GRIN2A: variants seen among roughly 807,000 people sequenced by gnomAD.
The protein encoded by GRIN2A is glutamate ionotropic receptor NMDA type subunit 2A.
Under a neutral mutation model 113.4 loss-of-function variants are expected in GRIN2A, and 22 were observed. The ratio of observed to expected loss-of-function variants is 0.19; its 90% CI spans 0.14 to 0.28. GRIN2A has a LOEUF of 0.28. Ranked by LOEUF, GRIN2A falls within the 10% of genes least tolerant of loss-of-function variation. GRIN2A has a pLI of 1.00. For missense variants in GRIN2A, 1,502 were observed against 1,887.0 expected, an observed-to-expected ratio of 0.80 and a Z score of 3.78; for synonymous variants, 827 against 738.4, an observed-to-expected ratio of 1.12 and a Z score of -1.94.
intron 4 of GRIN2A, among the ~76,000 whole-genome samples, chr16:9,861,915 G>A (rs899586575): frequency 6.6e-6 from 1 of 152,174 alleles, no homozygotes; most frequent in African/African-American, 2.4e-5. Context: ...TAAATGCAAC[G>A]ATTGGAGGTG....
chr16:9,936,837 C>G (rs964838335), intron 3 of GRIN2A, among the ~76,000 whole-genome samples: 1 of 152,138 alleles, frequency 6.6e-6, no homozygotes, highest in East Asian at 1.9e-4. Context: ...TTCCCCAAAG[C>G]GTAACATGTT....
intron 2 of GRIN2A, among the ~76,000 whole-genome samples, chr16:10,118,111 C>A (rs2048763228): frequency 6.6e-6 from 1 of 152,182 alleles, no homozygotes; most frequent in African/African-American, 2.4e-5. Context: ...CTGGTGTTAT[C>A]TTTGCCATCA....
At chr16:10,026,801 C>A (rs753342372) in intron 2 of GRIN2A, among the ~76,000 whole-genome samples, 6 of 152,152 alleles carry the variant, frequency 3.9e-5, no homozygotes, top group Non-Finnish European at 7.3e-5. Flanking sequence ...CACCCCAAAA[C>A]AATGCAGAAC....
intron 4 of GRIN2A, among the ~76,000 whole-genome samples, chr16:9,853,412 A>G (rs1222567914): frequency 1.3e-5 from 2 of 152,188 alleles, no homozygotes; most frequent in African/African-American, 2.4e-5. Flanking sequence ...AAGAGGCCCC[A>G]GAGAGACCCA....
chr16:9,847,896 C>T (rs1375679289), intron 5 of GRIN2A, among the ~76,000 whole-genome samples: 3 of 146,650 alleles, frequency 2.0e-5, no homozygotes, highest in Non-Finnish European at 1.5e-5. Context: ...TTTCTCCAAA[C>T]CAAAACAGGC....
In GRIN2A at chr16:9,775,038, G is replaced by T. The variant is rs1405314653; in HGVS notation, c.2357-5949C>A. Among the ~76,000 whole-genome samples the T allele has an allele frequency of 3.3e-5, 5 of 152,262 alleles. No individual in the cohort carries two copies. In the East Asian group the frequency reaches 5.8e-4, roughly 18 times the overall value. On this transcript the variant is annotated intron_variant, in intron 11 of 12. Transcript: ENST00000330684. ...CTTCCAGAGGAACTGCAGTTTTTGG[G>T]AATGGATTTTATAGCAAGCAATGTG...
chr16:9,874,005 T>C (rs910464522), intron 4 of GRIN2A, among the ~76,000 whole-genome samples: 1 of 152,246 alleles, frequency 6.6e-6, no homozygotes, highest in African/African-American at 2.4e-5. Flanking sequence ...TGAGTCATTC[T>C]ACAACTCCCT....
chr16:9,755,726 T>C lies in GRIN2A; in HGVS notation c.*7423A>G. 1 of 209,962 alleles carries C rather than the reference T, an allele frequency of 4.8e-6. No homozygotes were observed. The allele number at this position is 209,962 out of a possible 1,614,324, so 13.0% of individuals were successfully genotyped here. ...CATGCCTGCAGGATATGTTAAACAT[T>C]AGGCCATTCTGGGTACCTATAAAGC... On this transcript the variant is annotated 3_prime_UTR_variant, in exon 13 of 13. Coordinates refer to ENST00000330684, the MANE Select transcript of GRIN2A (RefSeq NM_001134407.3).
At chr16:10,055,147 G>A (rs1405089927) in intron 2 of GRIN2A, among the ~76,000 whole-genome samples, 1 of 135,408 alleles carries the variant, frequency 7.4e-6, no homozygotes, top group Non-Finnish European at 1.6e-5. Context: ...ATATAGTACT[G>A]TTTATAAAAA....
intron 2 of GRIN2A, among the ~76,000 whole-genome samples, chr16:10,075,525 A>G (rs1207957918): frequency 1.3e-5 from 2 of 152,178 alleles, no homozygotes; most frequent in Non-Finnish European, 2.9e-5. Flanking sequence ...GATACTGATG[A>G]TGATTGCACA....
chr16:10,143,195 G>A (rs1291424326), intron 2 of GRIN2A, among the ~76,000 whole-genome samples: 1 of 152,214 alleles, frequency 6.6e-6, no homozygotes, highest in Non-Finnish European at 1.5e-5. Flanking sequence ...TGTCTGGGTT[G>A]TGAAAACAAG....
chr16:10,166,243 A>G (rs1399329111), intron 2 of GRIN2A, among the ~76,000 whole-genome samples: 1 of 152,242 alleles, frequency 6.6e-6, no homozygotes, highest in Non-Finnish European at 1.5e-5. Flanking sequence ...GGAGACATTC[A>G]GCCATTTGTG....
At chr16:10,115,738 C>T (rs902877960) in intron 2 of GRIN2A, among the ~76,000 whole-genome samples, 6 of 152,146 alleles carry the variant, frequency 3.9e-5, no homozygotes, top group African/African-American at 4.8e-5. Flanking sequence ...GGCGTGGGGA[C>T]ACTGTTTCTC....
intron 2 of GRIN2A, chr16:10,112,421 C>T: frequency 1.4e-6 from 1 of 733,264 alleles, no homozygotes; most frequent in African/African-American, 1.7e-5. Flanking sequence ...CTGCTGTGTA[C>T]AAGGTGGCCA....
At chr16:10,032,340 G>A (rs2046945231) in intron 2 of GRIN2A, among the ~76,000 whole-genome samples, 1 of 152,180 alleles carries the variant, frequency 6.6e-6, no homozygotes, top group African/African-American at 2.4e-5. Flanking sequence ...GGCGCACACT[G>A]TACAAATTAA....
At chr16:10,137,553 C>G (rs1017288626) in intron 2 of GRIN2A, among the ~76,000 whole-genome samples, 3 of 152,204 alleles carry the variant, frequency 2.0e-5, no homozygotes, top group Non-Finnish European at 4.4e-5. Flanking sequence ...AGTTCAAACT[C>G]CATATTCAGG....
At chr16:10,177,054 G>A (rs2050163266) in intron 2 of GRIN2A, among the ~76,000 whole-genome samples, 1 of 152,108 alleles carries the variant, frequency 6.6e-6, no homozygotes, top group Non-Finnish European at 1.5e-5. Flanking sequence ...TAGGAAGGTT[G>A]AGGCTGTAGT....
At chr16:10,031,774 C>T (rs572216928) in intron 2 of GRIN2A, among the ~76,000 whole-genome samples, 19 of 152,350 alleles carry the variant, frequency 1.2e-4, no homozygotes, top group African/African-American at 4.6e-4. Context: ...AGATGCAACA[C>T]CCAAATGTGG....
intron 3 of GRIN2A, among the ~76,000 whole-genome samples, chr16:9,923,227 C>T (rs1188670219): frequency 1.3e-5 from 2 of 151,904 alleles, no homozygotes; most frequent in Non-Finnish European, 2.9e-5. Context: ...CAAAAATCTT[C>T]ATGATCTGAA....
Sources: allele counts gnomAD v4.1 joint callset (sites outside exome capture counted in the v4.1 genomes callset), GRCh38; gene constraint gnomAD v4.1.1; transcripts MANE v1.5; gene names NCBI Gene and HGNC (gene_info 2026-07-23, HGNC 2026-07-21).